Variants in TMEM132C observed in about 807,000 individuals in gnomAD.
TMEM132C encodes protein phosphatase 1, regulatory subunit 152.
Under a neutral mutation model 61.4 loss-of-function variants are expected in TMEM132C, and 29 were observed. The observed-to-expected ratio is 0.47, with a 90% CI of 0.35 to 0.64. TMEM132C has a LOEUF of 0.64. Among genes scored for constraint, TMEM132C ranks in the 30% least tolerant of loss-of-function variants. TMEM132C has a pLI of 0.00. For synonymous variants in TMEM132C, 656 were observed against 633.1 expected, an observed-to-expected ratio of 1.04 and a Z score of -0.54; for missense variants, 1,408 against 1,476.9, an observed-to-expected ratio of 0.95 and a Z score of 0.76.
chr12:128,426,352 G>T (rs953916794), intron 2 of TMEM132C, among the ~76,000 whole-genome samples: 2 of 152,302 alleles, frequency 1.3e-5, no homozygotes, highest in Admixed American at 6.5e-5. Context: ...CTGCATGATC[G>T]TTGGCTCTTT....
At position 128,442,501 on chromosome 12, in the gene TMEM132C, T is replaced by C. The variant is rs146071893; in HGVS notation, c.974+26881T>C. Among the ~76,000 whole-genome samples the C allele has an allele frequency of 7.9e-3, 1,208 of 152,252 alleles. 21 individuals are homozygous for C. Among genetic ancestry groups the C allele is most frequent in the African/African-American group, 0.028 (1,144 of 41,520 alleles). The stretch of plus-strand genomic sequence containing the variant: ...GGGTGAGGTTCAGGCATTGGTATTT[T>C]TGTTCACTTTTAGGTATAAAACTGT... On this transcript the variant is annotated intron_variant, in intron 2 of 8. Coordinates refer to ENST00000435159, the MANE Select transcript of TMEM132C (RefSeq NM_001136103.3).
intron 5 of TMEM132C, among the ~76,000 whole-genome samples, chr12:128,693,555 A>C (rs1293221951): frequency 6.6e-6 from 1 of 152,128 alleles, no homozygotes; most frequent in African/African-American, 2.4e-5. Context: ...AAGCCTCTGA[A>C]AACCGAGCCC....
intron 4 of TMEM132C, among the ~76,000 whole-genome samples, chr12:128,667,889 A>C (rs1486387811): frequency 6.6e-6 from 1 of 152,264 alleles, no homozygotes; most frequent in African/African-American, 2.4e-5. Flanking sequence ...TCTGAGCAGG[A>C]TAAATCAAAG....
intron 2 of TMEM132C, among the ~76,000 whole-genome samples, chr12:128,503,719 A>C (rs1000017653): frequency 6.6e-6 from 1 of 152,228 alleles, no homozygotes; most frequent in African/African-American, 2.4e-5. Flanking sequence ...ACAGATGAGG[A>C]AATGGAAGTG....
intron 2 of TMEM132C, among the ~76,000 whole-genome samples, chr12:128,482,253 C>T (rs544393934): frequency 2.6e-4 from 40 of 152,126 alleles, no homozygotes; most frequent in Non-Finnish European, 3.8e-4. Context: ...CCGACTTGAT[C>T]GTGGTGGATA....
At chr12:128,553,868 G>C (rs1874250196) in intron 3 of TMEM132C, among the ~76,000 whole-genome samples, 1 of 152,206 alleles carries the variant, frequency 6.6e-6, no homozygotes, top group Non-Finnish European at 1.5e-5. Flanking sequence ...GAGGCAGGGA[G>C]CCAGGAATGG....
At chr12:128,301,054 A>T (rs1291506911) in intron 1 of TMEM132C, among the ~76,000 whole-genome samples, 1 of 152,166 alleles carries the variant, frequency 6.6e-6, no homozygotes, top group South Asian at 2.1e-4. Flanking sequence ...CAAACAAAAC[A>T]AATGAACAGA....
intron 3 of TMEM132C, among the ~76,000 whole-genome samples, chr12:128,594,519 G>A (rs191355008): frequency 2.0e-5 from 3 of 152,228 alleles, no homozygotes; most frequent in Admixed American, 6.5e-5. Context: ...TGCAAATGGA[G>A]GTAGCCAGGG....
At chr12:128,475,107 G>A (rs1871112808) in intron 2 of TMEM132C, among the ~76,000 whole-genome samples, 1 of 152,056 alleles carries the variant, frequency 6.6e-6, no homozygotes, top group Admixed American at 6.6e-5. Flanking sequence ...GGCACAGCAG[G>A]GCTTCAACTC....
At chr12:128,537,974 T>G in intron 2 of TMEM132C, among the ~76,000 whole-genome samples, 1 of 152,214 alleles carries the variant, frequency 6.6e-6, no homozygotes, top group Non-Finnish European at 1.5e-5. Flanking sequence ...AGACAGGGTC[T>G]TACTCTGTTG....
At chr12:128,576,211 G>C (rs1216195669) in intron 3 of TMEM132C, among the ~76,000 whole-genome samples, 1 of 149,450 alleles carries the variant, frequency 6.7e-6, no homozygotes, top group African/African-American at 2.5e-5. Context: ...CTGAGATCAC[G>C]CCACTGCACT....
At position 128,683,970 on chromosome 12, in the gene TMEM132C, TTAAATAAATAAATAAATAAA is replaced by T. The variant is rs5741714; in HGVS notation, c.1450-9837_1450-9818del. Reference sequence around the variant, plus strand: ...AACAAGAGCAAAACTCTGTTTGAAATTAAATAAATAAATAAATAAATAAATAAATAAATAAATAAATGTTG... The same window carrying T: ...AACAAGAGCAAAACTCTGTTTGAAATTAAATAAATAAATAAATAAATGTTG... On this transcript the variant is annotated intron_variant, in intron 5 of 8. Transcript: ENST00000435159. Among the ~76,000 whole-genome samples, 6 of 147,578 alleles carry T rather than the reference TTAAATAAATAAATAAATAAA, an allele frequency of 4.1e-5. No individual in the cohort carries two copies. In the South Asian group the frequency reaches 8.9e-4, roughly 22 times the overall value.
intron 2 of TMEM132C, among the ~76,000 whole-genome samples, chr12:128,475,000 G>C (rs78366577): frequency 0.011 from 1,693 of 152,156 alleles, 28 homozygotes; most frequent in South Asian, 0.044. Context: ...ACTTCTCCCC[G>C]CAGAGCACAG....
intron 1 of TMEM132C, among the ~76,000 whole-genome samples, chr12:128,350,334 G>T (rs76117447): frequency 0.01 from 1,524 of 152,250 alleles, 28 homozygotes; most frequent in African/African-American, 0.035. Context: ...ACCATGCTGG[G>T]TGCTGGGAGT....
At chr12:128,675,777 GT>G (rs747340206) in intron 5 of TMEM132C, among the ~76,000 whole-genome samples, 3 of 151,998 alleles carry the variant, frequency 2.0e-5, no homozygotes, top group Non-Finnish European at 2.9e-5. Context: ...TAGATTATTG[GT>G]AGGTAATAGG....
At chr12:128,444,311 A>G (rs538455423) in intron 2 of TMEM132C, among the ~76,000 whole-genome samples, 13 of 152,292 alleles carry the variant, frequency 8.5e-5, no homozygotes, top group African/African-American at 3.1e-4. Flanking sequence ...GTGAGTGTGG[A>G]AATACCCCTC....
chr12:128,286,105 CT>C (rs1486069481), intron 1 of TMEM132C, among the ~76,000 whole-genome samples: 1 of 151,622 alleles, frequency 6.6e-6, no homozygotes, highest in Non-Finnish European at 1.5e-5. Flanking sequence ...CCCTCTCTCC[CT>C]TTCTCTCTCT....
chr12:128,370,632 G>A (rs1026708710), intron 1 of TMEM132C, among the ~76,000 whole-genome samples: 11 of 151,890 alleles, frequency 7.2e-5, no homozygotes, highest in African/African-American at 2.7e-4. Flanking sequence ...AACTTGGAAA[G>A]GCACCCTGAC....
At chr12:128,307,805 C>T (rs909304005) in intron 1 of TMEM132C, among the ~76,000 whole-genome samples, 10 of 152,326 alleles carry the variant, frequency 6.6e-5, no homozygotes, top group Middle Eastern at 3.4e-3. Context: ...ATGAGTCCTG[C>T]TATCAAATGG....
Sources: gnomAD v4.1 joint callset for allele counts (sites outside exome capture counted in the v4.1 genomes callset) on GRCh38, gnomAD v4.1.1 for gene constraint, MANE v1.5 for transcripts, NCBI Gene and HGNC (gene_info 2026-07-23, HGNC 2026-07-21) for gene names.